The following GINS1 variants were observed in gnomAD, a reference collection of about 807,000 sequenced individuals.
GINS1 encodes the protein GINS complex subunit 1.
A neutral mutation model predicts 34.9 loss-of-function variants in GINS1; 26 were observed. That is an observed-to-expected ratio of 0.74 (90% confidence interval 0.55 to 1.03). GINS1 has a LOEUF of 1.03. GINS1 is among the 50% of genes least tolerant of loss of function. The pLI is 0.00. For missense variants in GINS1, 235 were observed against 237.9 expected, an observed-to-expected ratio of 0.99 and a Z score of 0.08; for synonymous variants, 97 against 84.4, an observed-to-expected ratio of 1.15 and a Z score of -0.82.
chr20:25,407,848 A>T lies in GINS1; in HGVS notation c.28A>T (p.Ile10Phe), dbSNP rs1352912395. Residue 10 changes from isoleucine (I) to phenylalanine (F), a missense_variant, in exon 1 of 7, where the codon ATC (isoleucine) becomes TTC (phenylalanine). By Grantham distance (21) the Ile-to-Phe change is conservative. Transcript: ENST00000262460. Reference protein sequence around the residue: MFCEKAMELIRELHRAPEGQ... With the variant: MFCEKAMELFRELHRAPEGQ... ...GTTCTGCGAAAAAGCCATGGAACTG[A>T]TCCGCGAGCTGCATCGCGCGCCCGA... The T allele has an allele frequency of 6.2e-7, 1 of 1,613,898 alleles. No homozygotes were observed. Among genetic ancestry groups the T allele is most frequent in the African/African-American group, 1.3e-5 (1 of 74,938 alleles).
In GINS1 at chr20:25,417,269, A is replaced by G. The variant is rs565351254; in HGVS notation, c.239+67A>G. ...TGTGGCTTCCCAGTTGACCATCTCA[A>G]ATGGGTAACATGAAATCTTAGATCT... On this transcript the variant is annotated intron_variant, in intron 3 of 6. Coordinates refer to ENST00000262460, the MANE Select transcript of GINS1 (RefSeq NM_021067.5). 1.7e-4 allele frequency: 128 copies of G among 765,870 alleles called. No homozygotes were observed. In the African/African-American group the frequency reaches 1.8e-3, roughly 11 times the overall value. The allele number at this position is 765,870 out of a possible 1,614,324, so 47.4% of individuals were successfully genotyped here.
intron 6 of GINS1, among the ~76,000 whole-genome samples, chr20:25,444,213 C>T (rs2090498996): frequency 6.6e-6 from 1 of 151,890 alleles, no homozygotes; most frequent in South Asian, 2.1e-4. Context: ...CGGGGTTTCA[C>T]CATGTTGATC....
intron 4 of GINS1, among the ~76,000 whole-genome samples, chr20:25,423,625 T>G (rs1422896198): frequency 1.2e-5 from 1 of 85,166 alleles, no homozygotes; most frequent in Non-Finnish European, 2.3e-5. Context: ...TTTTTTTTTT[T>G]TTTTCCGAGA....
intron 5 of GINS1, among the ~76,000 whole-genome samples, chr20:25,429,257 C>G: frequency 6.6e-6 from 1 of 151,940 alleles, no homozygotes. Flanking sequence ...CCCAGAGTGC[C>G]GGATTACAGG....
At chr20:25,442,362 G>GTCTA (rs1382046208) in intron 6 of GINS1, among the ~76,000 whole-genome samples, 1 of 151,556 alleles carries the variant, frequency 6.6e-6, no homozygotes, top group Non-Finnish European at 1.5e-5. Context: ...CTGTCTGTCT[G>GTCTA]TCTGTCTGTC....
intron 6 of GINS1, among the ~76,000 whole-genome samples, chr20:25,445,495 C>T (rs1195216162): frequency 1.3e-5 from 2 of 152,062 alleles, no homozygotes; most frequent in Admixed American, 6.6e-5. Context: ...TACAGGTGCC[C>T]GCCACCATGC....
intron 4 of GINS1, among the ~76,000 whole-genome samples, chr20:25,424,825 T>A (rs2090381247): frequency 6.6e-6 from 1 of 152,230 alleles, no homozygotes; most frequent in Non-Finnish European, 1.5e-5. Context: ...CACATATCCA[T>A]TCATCAGCTG....
At chr20:25,416,044 T>C (rs1224200725) in intron 2 of GINS1, among the ~76,000 whole-genome samples, 1 of 152,184 alleles carries the variant, frequency 6.6e-6, no homozygotes, top group South Asian at 2.1e-4. Context: ...GGCTGGAGTT[T>C]GGCAAGTGGC....
intron 6 of GINS1, chr20:25,443,040 G>T (rs1262208072): frequency 6.6e-6 from 1 of 152,148 alleles, no homozygotes; most frequent in African/African-American, 2.4e-5. Flanking sequence ...TAAGGATTTG[G>T]TGTTCACTTT....
At chr20:25,418,069 A>G in intron 3 of GINS1, 36 bp from the exon 4 acceptor site, 1 of 1,153,470 alleles carries the variant, frequency 8.7e-7, no homozygotes, top group Non-Finnish European at 1.3e-6. Flanking sequence ...TCCCCCGTTT[A>G]TTCTTATGCC....
At chr20:25,434,181 G>A (rs1474206327) in intron 5 of GINS1, among the ~76,000 whole-genome samples, 1 of 152,042 alleles carries the variant, frequency 6.6e-6, no homozygotes, top group Non-Finnish European at 1.5e-5. Flanking sequence ...CTACTCAGGA[G>A]GCTGAGGCAG....
chr20:25,423,114 T>G (rs188410687), intron 4 of GINS1, among the ~76,000 whole-genome samples: 34 of 140,510 alleles, frequency 2.4e-4, no homozygotes, highest in African/African-American at 6.1e-4. Flanking sequence ...GTATTTCTGG[T>G]TTTTTTTTTG....
Position 25,441,711 on chromosome 20 carries a change from C to A in GINS1, c.457C>A (p.Leu153Ile), listed in dbSNP as rs750783029. The A allele has an allele frequency of 4.5e-6, 7 of 1,551,122 alleles. No individual in the cohort carries two copies. The African/African-American group carries it at 9.6e-5, about 21-fold the overall frequency. ...PKSLYIEVRC[L>I]KDYGEFEVDD... is the part of the protein sequence containing the mutation. ...TCATTTTTTCTTTCAGGTCCGGTGT[C>A]TAAAAGACTATGGAGAATTTGAAGT... The change falls in exon 6 of 7, where the codon CTA becomes ATA. Residue 153 changes from leucine (L) to isoleucine (I), a missense_variant. Transcript: ENST00000262460.
intron 5 of GINS1, among the ~76,000 whole-genome samples, chr20:25,425,744 G>GTAAAAATTTACTTTCAA (rs2090387103): frequency 6.6e-6 from 1 of 152,024 alleles, no homozygotes; most frequent in African/African-American, 2.4e-5. Context: ...AATTTTGAAA[G>GTAAAAATTTACTTTCAA]TAAAAAAAGC....
At chr20:25,440,865 G>A (rs1278742488) in intron 5 of GINS1, among the ~76,000 whole-genome samples, 1 of 150,002 alleles carries the variant, frequency 6.7e-6, no homozygotes, top group Non-Finnish European at 1.5e-5. Flanking sequence ...AAGGACTCAG[G>A]GGATTTTTCT....
intron 4 of GINS1, among the ~76,000 whole-genome samples, chr20:25,424,208 A>G (rs2090377329): frequency 6.6e-6 from 1 of 152,186 alleles, no homozygotes; most frequent in South Asian, 2.1e-4. Flanking sequence ...AATTACTGTA[A>G]CTATATAGTA....
chr20:25,444,684 G>A (rs895342668), intron 6 of GINS1, among the ~76,000 whole-genome samples: 2 of 152,124 alleles, frequency 1.3e-5, no homozygotes, highest in Non-Finnish European at 2.9e-5. Flanking sequence ...CCTCCTCCAA[G>A]GCAGTCAGTG....
chr20:25,407,907 G>A lies in GINS1; in HGVS notation c.75+12G>A. On this transcript the variant is annotated intron_variant, in intron 1 of 6. Coordinates refer to ENST00000262460, the MANE Select transcript of GINS1 (RefSeq NM_021067.5). ...TGCCTGCCTTCAACGTGAGGGGCGG[G>A]TAGACTTGGACGGGGCATGCCGGCG... is the stretch of plus-strand genomic sequence containing the variant. The A allele has an allele frequency of 1.9e-6, 3 of 1,605,052 alleles. No individual in the cohort carries two copies. Among genetic ancestry groups the A allele is most frequent in the Non-Finnish European group, 1.7e-6 (2 of 1,172,114 alleles).
intron 5 of GINS1, among the ~76,000 whole-genome samples, chr20:25,426,968 G>GAT (rs2146208066): frequency 6.6e-6 from 1 of 152,080 alleles, no homozygotes; most frequent in South Asian, 2.1e-4. Flanking sequence ...TATGAACGTG[G>GAT]ATATATAAAT....
Sources: allele counts gnomAD v4.1 joint callset (sites outside exome capture counted in the v4.1 genomes callset), GRCh38; gene constraint gnomAD v4.1.1; transcripts MANE v1.5; gene names NCBI Gene and HGNC (gene_info 2026-07-23, HGNC 2026-07-21).